ARPP21: variants seen among roughly 807,000 people sequenced by gnomAD.
ARPP21 encodes the protein cAMP regulated phosphoprotein 21.
In ARPP21, 69 loss-of-function variants were observed where a neutral mutation model predicts 113.2. That is an observed-to-expected ratio of 0.61 (90% confidence interval 0.50 to 0.74). ARPP21 has a LOEUF of 0.74. ARPP21 is among the 30% of genes least tolerant of loss of function. ARPP21 has a pLI of 0.00. For missense variants in ARPP21, 1,070 were observed against 1,037.4 expected (o/e 1.03, Z -0.43); for synonymous variants, 368 against 375.5 (o/e 0.98, Z 0.23).
chr3:35,765,692 G>C (rs1420343348), intron 19 of ARPP21, among the ~76,000 whole-genome samples: 2 of 152,104 alleles, frequency 1.3e-5, no homozygotes, highest in Non-Finnish European at 2.9e-5. Context: ...GTTATAAAAT[G>C]AGAAAGATAG....
At chr3:35,661,896 A>G (rs1386831076) in intron 1 of ARPP21, among the ~76,000 whole-genome samples, 6 of 152,134 alleles carry the variant, frequency 3.9e-5, no homozygotes, top group Admixed American at 3.9e-4. Context: ...GAAACACTTC[A>G]TGGGCACTAA....
intron 1 of ARPP21, among the ~76,000 whole-genome samples, chr3:35,660,139 G>A (rs1244958346): frequency 6.6e-6 from 1 of 152,108 alleles, no homozygotes; most frequent in Non-Finnish European, 1.5e-5. Flanking sequence ...ATAGAGCAAA[G>A]CAAGAGGTGG....
In ARPP21 at chr3:35,640,222, A is replaced by G. The variant is rs1484344186; in HGVS notation, c.-389A>G. On this transcript the variant is annotated 5_prime_UTR_variant, in exon 1 of 21. Transcript: ENST00000684406. Reference sequence around the variant, plus strand: ...TAGCAGTTAAATAAATCGACCAAAAACAAAACAAACAAACAAACCCAACAA... The same window carrying G: ...TAGCAGTTAAATAAATCGACCAAAAGCAAAACAAACAAACAAACCCAACAA... 1 of 152,122 alleles carries G rather than the reference A, an allele frequency of 6.6e-6. No homozygotes were observed. The highest frequency in any genetic ancestry group is 2.4e-5 in the African/African-American group (1 of 41,234). 9.4% of individuals were successfully genotyped at this position (152,122 alleles called of 1,614,324 possible).
In ARPP21 at chr3:35,721,668, C is replaced by T; in HGVS notation, c.1059C>T (p.Leu353=). The T allele has an allele frequency of 6.2e-7, 1 of 1,613,916 alleles. No homozygotes were observed. The highest frequency in any genetic ancestry group is 8.5e-7 in the Non-Finnish European group (1 of 1,179,920). ...GSRQSSSENE[L]KWSDHQRAWS... The stretch of plus-strand genomic sequence containing the variant: ...GACAGAGCAGCTCAGAAAATGAACT[C>T]AAGTGGTCTGACCACCAAAGGGCCT... Residue 353 remains leucine, a synonymous_variant, in exon 14 of 21, where the codon CTC becomes CTT. Transcript: ENST00000684406.
At chr3:35,749,068 G>C (rs2095302048) in intron 19 of ARPP21, among the ~76,000 whole-genome samples, 1 of 152,208 alleles carries the variant, frequency 6.6e-6, no homozygotes, top group Non-Finnish European at 1.5e-5. Context: ...TAACATGGAT[G>C]ATTGCATAAA....
At chr3:35,708,735 A>G (rs1426609876) in intron 10 of ARPP21, among the ~76,000 whole-genome samples, 1 of 152,190 alleles carries the variant, frequency 6.6e-6, no homozygotes, top group Non-Finnish European at 1.5e-5. Context: ...CACCTGTGCT[A>G]CTTGCATCCA....
At chr3:35,768,889 AC>A (rs2096085299) in intron 19 of ARPP21, among the ~76,000 whole-genome samples, 1 of 152,228 alleles carries the variant, frequency 6.6e-6, no homozygotes, top group African/African-American at 2.4e-5. Context: ...GGCATAGTTT[AC>A]TAAAGAATTA....
At chr3:35,692,339 C>CT (rs1297643563) in intron 9 of ARPP21, among the ~76,000 whole-genome samples, 1 of 151,496 alleles carries the variant, frequency 6.6e-6, no homozygotes, top group Non-Finnish European at 1.5e-5. Context: ...TTTTAGAATC[C>CT]TTTATATCTT....
rs1559547803 is a variant in ARPP21 at position 35,667,880 on chromosome 3, GAAGAA to G, written c.-212-11906_-212-11902del. On this transcript the variant is annotated intron_variant, in intron 1 of 20. Coordinates refer to ENST00000684406, the MANE Select transcript of ARPP21 (RefSeq NM_001385562.1). ...AGAAGAAGAAGAAGAAGAAGAAGAA[GAAGAA>G]GAAGAGGAAGAGGAAGAGGAAGAGG... Among the ~76,000 whole-genome samples, 88 of 136,906 alleles carry G rather than the reference GAAGAA, an allele frequency of 6.4e-4. 5 individuals carry two copies. Among genetic ancestry groups the G allele is most frequent in the African/African-American group, 1.8e-3 (57 of 31,828 alleles). 89.8% of individuals were successfully genotyped at this position (136,906 alleles called of 152,430 possible). A position where few individuals can be genotyped will look rare whatever the true frequency, so the allele number is the denominator to read the frequency against.
At chr3:35,755,049 G>A (rs575919736) in intron 19 of ARPP21, among the ~76,000 whole-genome samples, 6 of 152,012 alleles carry the variant, frequency 3.9e-5, no homozygotes, top group African/African-American at 1.4e-4. Flanking sequence ...GTTTTTCTAG[G>A]AGACAAACTA....
At chr3:35,649,211 C>T (rs1701436807) in intron 1 of ARPP21, among the ~76,000 whole-genome samples, 1 of 152,014 alleles carries the variant, frequency 6.6e-6, no homozygotes, top group African/African-American at 2.4e-5. Context: ...GTATTTTTTC[C>T]CTGAAGTTTC....
chr3:35,659,802 G>A (rs1377839970), intron 1 of ARPP21, among the ~76,000 whole-genome samples: 1 of 152,198 alleles, frequency 6.6e-6, no homozygotes, highest in East Asian at 1.9e-4. Context: ...AGAGAATAAA[G>A]GTGGCTGGTG....
chr3:35,771,577 C>T (rs927560819), intron 19 of ARPP21, among the ~76,000 whole-genome samples: 1 of 152,160 alleles, frequency 6.6e-6, no homozygotes, highest in Non-Finnish European at 1.5e-5. Context: ...AATCTGCCTG[C>T]CGTGGCCTCC....
chr3:35,786,123 C>A (rs1239087639), intron 19 of ARPP21, among the ~76,000 whole-genome samples: 1 of 152,156 alleles, frequency 6.6e-6, no homozygotes, highest in Non-Finnish European at 1.5e-5. Context: ...AAGAACAGAA[C>A]AGTACCTAAT....
intron 19 of ARPP21, among the ~76,000 whole-genome samples, chr3:35,759,023 AATGACAT>A (rs1269307617): frequency 1.3e-5 from 2 of 152,056 alleles, no homozygotes; most frequent in African/African-American, 4.8e-5. Flanking sequence ...GGCAGGAGGC[AATGACAT>A]GTTTAGTGAC....
rs865954266 is a variant in ARPP21 at position 35,681,791 on chromosome 3, G to A, written c.40G>A (p.Glu14Lys). Residue 14 changes from glutamate (E) to lysine (K), a missense_variant, in exon 3 of 21, where the codon GAA becomes AAA. By Grantham distance (56) the Glu-to-Lys change is moderately conservative (BLOSUM62 1). Transcript: ENST00000684406. Reference sequence around the variant, plus strand: ...AGACCTGAATCAGGCAATAGCAGAGGAAGGAGGGACTGAGCAGGAGACGGC... The same window carrying A: ...AGACCTGAATCAGGCAATAGCAGAGAAAGGAGGGACTGAGCAGGAGACGGC... ...QGDLNQAIAEEGGTEQETATP... is the reference protein window; with the variant it reads ...QGDLNQAIAEKGGTEQETATP... 6.2e-7 allele frequency: 1 copy of A among 1,611,744 alleles called. No individual in the cohort carries two copies. The highest frequency in any genetic ancestry group is 8.5e-7 in the Non-Finnish European group (1 of 1,178,504).
intron 14 of ARPP21, among the ~76,000 whole-genome samples, chr3:35,722,580 G>C (rs1381302032): frequency 6.6e-6 from 1 of 152,216 alleles, no homozygotes; most frequent in Non-Finnish European, 1.5e-5. Context: ...ACAGGTGAGT[G>C]TCAGAGAGGT....
At position 35,739,533 on chromosome 3, in the gene ARPP21, C is replaced by T. The variant is rs762513917; in HGVS notation, c.1966C>T (p.Pro656Ser). 58 of 1,614,014 alleles carry T rather than the reference C, an allele frequency of 3.6e-5. No individual in the cohort carries two copies. Among genetic ancestry groups the T allele is most frequent in the Non-Finnish European group, 3.6e-5 (43 of 1,179,934 alleles). Reference sequence around the variant, plus strand: ...CATCTCCCAGCAGGTCCTCCAGCCCCCTCCCTCACCACAGGGATTTGTGCA... The same window carrying T: ...CATCTCCCAGCAGGTCCTCCAGCCCTCTCCCTCACCACAGGGATTTGTGCA... ...PPISQQVLQP[P>S]PSPQGFVQQP... Residue 656 changes from proline to serine, a missense_variant, in exon 18 of 21, where the codon CCT becomes TCT. Physicochemically the swap from Pro to Ser is moderately conservative, Grantham distance 74. Transcript: ENST00000684406.
chr3:35,689,708 G>T (rs1559627070), intron 7 of ARPP21, among the ~76,000 whole-genome samples: 1 of 151,578 alleles, frequency 6.6e-6, no homozygotes, highest in African/African-American at 2.4e-5. Flanking sequence ...TTTTAATGCA[G>T]CTATGTATTC....
Sources: gnomAD v4.1 joint callset for allele counts (sites outside exome capture counted in the v4.1 genomes callset) on GRCh38, gnomAD v4.1.1 for gene constraint, MANE v1.5 for transcripts, NCBI Gene and HGNC (gene_info 2026-07-23, HGNC 2026-07-21) for gene names.